The following DENND4C variants were observed in gnomAD, a reference collection of about 807,000 sequenced individuals.
DENND4C encodes DENN domain-containing protein 4C.
DENND4C carries 108 observed loss-of-function variants against 203.0 expected under a neutral mutation model. That is an observed-to-expected ratio of 0.53 (90% CI 0.46 to 0.62). DENND4C has a LOEUF of 0.62. Among genes scored for constraint, DENND4C ranks in the 20% least tolerant of loss-of-function variants. The pLI is 0.00. For missense variants in DENND4C, 2,481 were observed against 2,301.2 expected (o/e 1.08, Z -1.60); for synonymous variants, 871 against 792.4 (o/e 1.10, Z -1.67).
At chr9:19,357,219 C>T in intron 27 of DENND4C, 65 bp downstream of exon 27, 1 of 1,543,360 alleles carries the variant, frequency 6.5e-7, no homozygotes, top group Non-Finnish European at 8.9e-7. Flanking sequence ...AAAATTCTGT[C>T]TCTAAAGACA....
At chr9:19,366,659 A>G (rs1016030267) in intron 30 of DENND4C, among the ~76,000 whole-genome samples, 5 of 152,350 alleles carry the variant, frequency 3.3e-5, no homozygotes, top group Admixed American at 2.6e-4. Flanking sequence ...AATAATAAAA[A>G]GAATGAAATT....
At position 19,346,066 on chromosome 9, in the gene DENND4C, A is replaced by G; in HGVS notation, c.3297A>G (p.Glu1099=). 5.0e-6 allele frequency: 8 copies of G among 1,614,188 alleles called. No homozygotes were observed. Among genetic ancestry groups the G allele is most frequent in the Non-Finnish European group, 6.8e-6 (8 of 1,180,046 alleles). ...AGAGGAGTTGTAGTTTTAGTTCTGA[A>G]AGTCGAGCAGGAATGTTGCTTAAGA... ...FPERSCSFSS[E]SRAGMLLKKS... Residue 1099 remains glutamate, a synonymous_variant, in exon 23 of 33, where the codon GAA becomes GAG. Coordinates refer to ENST00000434457, the MANE Select transcript of DENND4C (RefSeq NM_001330640.2).
chr9:19,305,311 A>T lies in DENND4C; in HGVS notation c.1312-41A>T, dbSNP rs1049822676. On this transcript the variant is annotated intron_variant, in intron 9 of 32. Transcript: ENST00000434457. Reference sequence around the variant, plus strand: ...TAGTTACTTATATATTTTTTATTGCAAATTTAAAATTTGGTTAATTTTTTA... The same window carrying T: ...TAGTTACTTATATATTTTTTATTGCTAATTTAAAATTTGGTTAATTTTTTA... 4 of 1,552,084 alleles carry T rather than the reference A, an allele frequency of 2.6e-6. No homozygotes were observed. The African/African-American group carries it at 4.1e-5, about 16-fold the overall frequency.
intron 4 of DENND4C, among the ~76,000 whole-genome samples, chr9:19,289,505 T>C (rs993618328): frequency 3.9e-5 from 6 of 152,228 alleles, no homozygotes; most frequent in African/African-American, 1.4e-4. Context: ...TGGCAACGAC[T>C]AACGTATAAA....
At chr9:19,307,371 G>A (rs1484362884) in intron 10 of DENND4C, among the ~76,000 whole-genome samples, 4 of 141,306 alleles carry the variant, frequency 2.8e-5, no homozygotes, top group African/African-American at 8.1e-5. Context: ...TGCAGCCTGG[G>A]TAACAGAGCA....
At chr9:19,269,871 C>T (rs1831276168) in intron 1 of DENND4C, among the ~76,000 whole-genome samples, 1 of 152,168 alleles carries the variant, frequency 6.6e-6, no homozygotes, top group Admixed American at 6.5e-5. Context: ...TCTTCACAGT[C>T]TGGGCTTGTT....
At chr9:19,354,961 G>A (rs1825058803) in intron 26 of DENND4C, among the ~76,000 whole-genome samples, 1 of 150,042 alleles carries the variant, frequency 6.7e-6, no homozygotes, top group South Asian at 2.1e-4. Context: ...CCAGGCTGGA[G>A]TACAGTGGCG....
intron 1 of DENND4C, among the ~76,000 whole-genome samples, chr9:19,259,540 T>C (rs1828848960): frequency 6.6e-6 from 1 of 150,998 alleles, no homozygotes; most frequent in East Asian, 1.9e-4. Context: ...GTTTTGCTCT[T>C]GTTGCCCAGG....
At chr9:19,250,504 A>G (rs1340353022) in intron 1 of DENND4C, among the ~76,000 whole-genome samples, 1 of 152,112 alleles carries the variant, frequency 6.6e-6, no homozygotes, top group African/African-American at 2.4e-5. Flanking sequence ...TTTAGATTAC[A>G]AACGTGAGTC....
chr9:19,336,611 C>T (rs1005711166), intron 19 of DENND4C, 75 bp from the exon 20 acceptor site: 48 of 1,466,562 alleles, frequency 3.3e-5, no homozygotes, highest in Non-Finnish European at 4.3e-5. Context: ...TATAAATGAA[C>T]TGTGGGTCAA....
chr9:19,345,930 C>A lies in DENND4C; in HGVS notation c.3161C>A (p.Ser1054Ter). ...TTACTTTCCCTTTTAGGTAGTATAT[C>A]AAATGTGCTGTTTTCTACTCAAGAT... Reference protein sequence around the residue: ...NSRKSSTGSISNVLFSTQDPV... With the variant: ...NSRKSSTGSI The change falls in exon 23 of 33, where the codon TCA becomes TAA. Residue 1054 changes from serine to a stop codon, truncating the protein, a stop_gained. Transcript: ENST00000434457. LOFTEE classifies it high-confidence loss of function. The A allele has an allele frequency of 1.9e-6, 3 of 1,609,030 alleles. No individual in the cohort carries two copies. In the South Asian group the frequency reaches 3.3e-5, roughly 18 times the overall value.
intron 1 of DENND4C, among the ~76,000 whole-genome samples, chr9:19,231,419 A>G (rs889988403): frequency 6.6e-6 from 1 of 152,060 alleles, no homozygotes; most frequent in Admixed American, 6.5e-5. Context: ...GTCGGGGATG[A>G]CTTTCTAGGA....
intron 9 of DENND4C, 104 bp from the exon 10 acceptor site, chr9:19,305,248 G>C: frequency 5.2e-6 from 5 of 970,690 alleles, no homozygotes; most frequent in Non-Finnish European, 7.5e-6. Flanking sequence ...AAACAAAACA[G>C]ACTTAACTGC....
rs760111236 is a variant in DENND4C at position 19,374,091 on chromosome 9, C to T, written c.*1918C>T. On this transcript the variant is annotated 3_prime_UTR_variant, in exon 33 of 33. Transcript: ENST00000434457. ...CCAACAGAAGTTTGGAATTACCTTG[C>T]ATATAAAAATTGAGGTTGAATAAAA... is the stretch of plus-strand genomic sequence containing the variant. Among the ~76,000 whole-genome samples the T allele has an allele frequency of 6.6e-6, 1 of 152,124 alleles. No individual in the cohort carries two copies. The highest frequency in any genetic ancestry group is 1.5e-5 in the Non-Finnish European group (1 of 68,026).
intron 1 of DENND4C, among the ~76,000 whole-genome samples, chr9:19,245,465 T>TC (rs1554709003): frequency 1.7e-4 from 1 of 5,862 alleles, no homozygotes; most frequent in Non-Finnish European, 4.0e-4. Context: ...AGACTCAGTC[T>TC]CAAAAAAAAA....
At chr9:19,305,184 A>G (rs1839420915) in intron 9 of DENND4C, among the ~76,000 whole-genome samples, 168 bp from the exon 10 acceptor site, 1 of 152,154 alleles carries the variant, frequency 6.6e-6, no homozygotes, top group Non-Finnish European at 1.5e-5. Context: ...ATTTGTTCTT[A>G]GCATTGCTTA....
intron 12 of DENND4C, among the ~76,000 whole-genome samples, chr9:19,319,499 C>G (rs1375603966): frequency 6.8e-6 from 1 of 146,808 alleles, no homozygotes; most frequent in African/African-American, 2.5e-5. Context: ...CATGACAGCA[C>G]ATTTGGGAAA....
At chr9:19,242,455 T>G (rs1467936168) in intron 1 of DENND4C, among the ~76,000 whole-genome samples, 2 of 152,208 alleles carry the variant, frequency 1.3e-5, no homozygotes, top group African/African-American at 4.8e-5. Context: ...ATGTGATTGC[T>G]GGATCATATG....
intron 17 of DENND4C, among the ~76,000 whole-genome samples, chr9:19,333,504 A>T (rs919334395): frequency 6.6e-6 from 1 of 152,188 alleles, no homozygotes; most frequent in Non-Finnish European, 1.5e-5. Flanking sequence ...TGCACAGATC[A>T]TGACAATCAA....
Sources: allele counts gnomAD v4.1 joint callset (sites outside exome capture counted in the v4.1 genomes callset), GRCh38; gene constraint gnomAD v4.1.1; transcripts MANE v1.5; gene names NCBI Gene and HGNC (gene_info 2026-07-23, HGNC 2026-07-21).